NELL1: variants seen among roughly 807,000 people sequenced by gnomAD.
The protein encoded by NELL1 is neural EGFL like 1.
A neutral mutation model predicts 107.4 loss-of-function variants in NELL1; 76 were observed. That is an observed-to-expected ratio of 0.71 (90% CI 0.59 to 0.86). The LOEUF (loss-of-function observed/expected upper bound fraction) is 0.86. Among genes scored for constraint, NELL1 ranks in the 40% least tolerant of loss-of-function variants. The pLI is 0.00. For missense variants in NELL1, 1,024 were observed against 1,005.5 expected, an observed-to-expected ratio of 1.02 and a Z score of -0.25; for synonymous variants, 353 against 341.2, an observed-to-expected ratio of 1.03 and a Z score of -0.38.
intron 12 of NELL1, among the ~76,000 whole-genome samples, chr11:21,055,012 TAA>T (rs1853580029): frequency 6.6e-6 from 1 of 152,068 alleles, no homozygotes; most frequent in African/African-American, 2.4e-5. Flanking sequence ...AGTTTAATTT[TAA>T]AGAATTAATT....
At chr11:20,841,725 G>C (rs1848626302) in intron 3 of NELL1, among the ~76,000 whole-genome samples, 1 of 152,118 alleles carries the variant, frequency 6.6e-6, no homozygotes, top group African/African-American at 2.4e-5. Context: ...GGTTAAAAAA[G>C]GTTATAGGCC....
rs56048576 is a variant in NELL1 at position 20,992,709 on chromosome 11, A to ATTTTTTT, written c.1300+32165_1300+32171dup. Among the ~76,000 whole-genome samples the ATTTTTTT allele has an allele frequency of 4.1e-4, 47 of 114,474 alleles. 2 individuals are homozygous for ATTTTTTT. The highest frequency in any genetic ancestry group is 4.6e-4 in the Non-Finnish European group (26 of 56,734). 75.1% of individuals were successfully genotyped at this position (114,474 alleles called of 152,430 possible). A position where few individuals can be genotyped will look rare whatever the true frequency, so the allele number is the denominator to read the frequency against. ...TGCTACTTCCCTAGGCAAAAGTGGCATTTTTTTTTTTTTTTTTTTTTTGAA... is the reference window on the plus strand; with the variant it reads ...TGCTACTTCCCTAGGCAAAAGTGGCATTTTTTTTTTTTTTTTTTTTTTTTTTTTTGAA... On this transcript the variant is annotated intron_variant, in intron 12 of 19. Coordinates refer to ENST00000357134, the MANE Select transcript of NELL1 (RefSeq NM_006157.5).
intron 1 of NELL1, 131 bp from the exon 2 acceptor site, chr11:20,677,801 C>T (rs905652553): frequency 9.6e-7 from 1 of 1,036,786 alleles, no homozygotes; most frequent in African/African-American, 1.6e-5. Context: ...TCTTTTCCCT[C>T]CATAGACAAA....
At chr11:21,185,261 A>T (rs1856908797) in intron 13 of NELL1, among the ~76,000 whole-genome samples, 1 of 148,924 alleles carries the variant, frequency 6.7e-6, no homozygotes, top group Non-Finnish European at 1.5e-5. Flanking sequence ...TTATAATTTG[A>T]CTAGGAACAT....
intron 12 of NELL1, among the ~76,000 whole-genome samples, chr11:21,009,170 T>C (rs929952433): frequency 1.3e-5 from 2 of 152,144 alleles, no homozygotes; most frequent in East Asian, 3.9e-4. Flanking sequence ...CACGGCTGCC[T>C]CCAGCATAAT....
chr11:21,042,938 T>C (rs1305611579), intron 12 of NELL1, among the ~76,000 whole-genome samples: 4 of 152,188 alleles, frequency 2.6e-5, no homozygotes, highest in Admixed American at 6.6e-5. Flanking sequence ...AATCAACATG[T>C]CTTTTCATAA....
chr11:21,280,951 G>C (rs1183356716), intron 14 of NELL1, among the ~76,000 whole-genome samples: 3 of 152,116 alleles, frequency 2.0e-5, no homozygotes, highest in Admixed American at 1.3e-4. Flanking sequence ...CTGGAGAACA[G>C]GCAACCTATT....
Position 21,221,818 on chromosome 11 carries a change from G to A in NELL1, c.1427-7514G>A, listed in dbSNP as rs116272793. 4.3e-3 allele frequency among the ~76,000 whole-genome samples: 658 copies of A among 152,080 alleles called. 6 individuals carry two copies. Among genetic ancestry groups the A allele is most frequent in the African/African-American group, 0.015 (629 of 41,488 alleles). ...AGAAATCCTCCCACCTCAGCCTCCC[G>A]AGTAGTTGGAACTGCTGGTGTGGGC... On this transcript the variant is annotated intron_variant, in intron 13 of 19. Coordinates refer to ENST00000357134, the MANE Select transcript of NELL1 (RefSeq NM_006157.5).
At chr11:21,221,491 C>T (rs898270062) in intron 13 of NELL1, among the ~76,000 whole-genome samples, 4 of 152,146 alleles carry the variant, frequency 2.6e-5, no homozygotes, top group African/African-American at 9.7e-5. Flanking sequence ...TAGAATTCAT[C>T]AGTGAAGGCA....
At chr11:21,389,843 T>C (rs970093711) in intron 15 of NELL1, among the ~76,000 whole-genome samples, 77 of 151,926 alleles carry the variant, frequency 5.1e-4, no homozygotes, top group East Asian at 1.6e-3. Flanking sequence ...ATGGGTTGTT[T>C]CCAGTTTGGG....
chr11:21,491,237 A>C (rs1353815673), intron 15 of NELL1, among the ~76,000 whole-genome samples: 1 of 152,204 alleles, frequency 6.6e-6, no homozygotes, highest in South Asian at 2.1e-4. Flanking sequence ...TTTTGTTGCC[A>C]TTGCTTTTGG....
intron 12 of NELL1, among the ~76,000 whole-genome samples, chr11:21,010,912 C>CT (rs1565013543): frequency 5.9e-5 from 9 of 152,086 alleles, no homozygotes. Context: ...CAGTCTGTCT[C>CT]TAAACAGGGT....
intron 12 of NELL1, among the ~76,000 whole-genome samples, chr11:21,096,895 A>G (rs569887899): frequency 6.6e-6 from 1 of 151,774 alleles, no homozygotes; most frequent in Non-Finnish European, 1.5e-5. Context: ...TATTATTATT[A>G]TTTGTAGAGA....
chr11:21,111,632 A>G (rs989286968), intron 12 of NELL1, among the ~76,000 whole-genome samples: 3 of 152,078 alleles, frequency 2.0e-5, no homozygotes, highest in Non-Finnish European at 2.9e-5. Flanking sequence ...TCCATGGGTT[A>G]CAAGGCAGAA....
At chr11:21,075,950 T>C (rs1854125356) in intron 12 of NELL1, among the ~76,000 whole-genome samples, 2 of 152,326 alleles carry the variant, frequency 1.3e-5, no homozygotes, top group Admixed American at 1.3e-4. Context: ...TATTAGAACC[T>C]CTAACTATGA....
At chr11:21,314,780 T>C (rs1364543322) in intron 14 of NELL1, among the ~76,000 whole-genome samples, 9 of 152,124 alleles carry the variant, frequency 5.9e-5, no homozygotes, top group African/African-American at 2.2e-4. Flanking sequence ...TAAGGTGAGC[T>C]GACATTTTAG....
chr11:21,416,214 C>G (rs1329468770), intron 15 of NELL1, among the ~76,000 whole-genome samples: 1 of 152,022 alleles, frequency 6.6e-6, no homozygotes, highest in East Asian at 1.9e-4. Context: ...CTACTTTGCT[C>G]AGACTTGGGA....
intron 2 of NELL1, among the ~76,000 whole-genome samples, chr11:20,702,460 G>T (rs1356291307): frequency 1.3e-5 from 2 of 152,072 alleles, no homozygotes; most frequent in African/African-American, 4.8e-5. Context: ...TGCAAACAGG[G>T]ACAATTTGAC....
intron 15 of NELL1, among the ~76,000 whole-genome samples, chr11:21,409,153 T>C (rs1167584193): frequency 2.0e-5 from 3 of 152,132 alleles, no homozygotes; most frequent in Admixed American, 6.5e-5. Flanking sequence ...GCGGCACTAT[T>C]ATCAATAGCA....
Sources: allele counts gnomAD v4.1 joint callset (sites outside exome capture counted in the v4.1 genomes callset), GRCh38; gene constraint gnomAD v4.1.1; transcripts MANE v1.5; gene names NCBI Gene and HGNC (gene_info 2026-07-23, HGNC 2026-07-21).